UNC45A: variants seen among roughly 807,000 people sequenced by gnomAD.
The protein encoded by UNC45A is unc-45 myosin chaperone A.
Under a neutral mutation model 103.2 loss-of-function variants are expected in UNC45A, and 78 were observed. The observed-to-expected ratio is 0.76, with a 90% CI of 0.63 to 0.91. The LOEUF (loss-of-function observed/expected upper bound fraction) is 0.91, where lower values mean the gene tolerates loss of function less well. Ranked by LOEUF, UNC45A falls within the 40% of genes least tolerant of loss-of-function variation. The pLI is 0.00. For missense variants in UNC45A, 1,193 were observed against 1,224.8 expected, an observed-to-expected ratio of 0.97 and a Z score of 0.39; for synonymous variants, 495 against 504.6, an observed-to-expected ratio of 0.98 and a Z score of 0.25.
At position 90,946,930 on chromosome 15, in the gene UNC45A, T is replaced by TGGGGGGGGGCGGGGGGGCGG; in HGVS notation, c.1500+20_1500+21insGGGGGCGGGGGGGCGGGGGG. ...GGCGCTAGTGGTGAGACGGTGGGCC[T>TGGGGGGGGGCGGGGGGGCGG]GGGGTGGGTGGGCAGGCAGCCAGGC... is the stretch of plus-strand genomic sequence containing the variant. On this transcript the variant is annotated intron_variant, in intron 10 of 19. Coordinates refer to ENST00000418476, the MANE Select transcript of UNC45A (RefSeq NM_018671.5). 1.3e-6 allele frequency: 1 copy of TGGGGGGGGGCGGGGGGGCGG among 785,004 alleles called. No homozygotes were observed. Among genetic ancestry groups the TGGGGGGGGGCGGGGGGGCGG allele is most frequent in the Non-Finnish European group, 2.1e-6 (1 of 484,398 alleles). 48.6% of individuals were successfully genotyped at this position (785,004 alleles called of 1,614,324 possible).
At chr15:90,937,464 G>A (rs1446632296) in intron 4 of UNC45A, among the ~76,000 whole-genome samples, 1 of 151,976 alleles carries the variant, frequency 6.6e-6, no homozygotes, top group African/African-American at 2.4e-5. Flanking sequence ...GTACACTTGG[G>A]TATGTAAATA....
chr15:90,939,357 C>T (rs1270808563), intron 4 of UNC45A, among the ~76,000 whole-genome samples: 1 of 152,220 alleles, frequency 6.6e-6, no homozygotes, highest in Non-Finnish European at 1.5e-5. Context: ...GATCTGCCAG[C>T]TCCCTGGCAG....
chr15:90,948,969 C>T (rs528458157), intron 13 of UNC45A, among the ~76,000 whole-genome samples, 175 bp downstream of exon 13: 77 of 151,374 alleles, frequency 5.1e-4, no homozygotes, highest in Non-Finnish European at 9.4e-4. Context: ...CTCCGCCTCC[C>T]GGGTTCATGC....
At chr15:90,935,105 C>G, upstream of UNC45A, 1 of 598,322 alleles carries the variant, frequency 1.7e-6, no homozygotes, top group African/African-American at 1.9e-5. Context: ...CTGCAGGTCT[C>G]TGCGGGGACA....
rs2037077186 is a variant in UNC45A, at chr15:90,953,919, C to T, written c.*203C>T. ...CTGCTTGGCCAGCACTGCCTGCAGC[C>T]TCACTCAGAGGGGCCCTTTTTCTGT... On this transcript the variant is annotated 3_prime_UTR_variant, in exon 20 of 20. Transcript: ENST00000418476. The T allele has an allele frequency of 4.2e-6, 3 of 715,608 alleles. No individual in the cohort carries two copies. The highest frequency in any genetic ancestry group is 6.8e-6 in the Non-Finnish European group (3 of 442,972). The allele number at this position is 715,608 out of a possible 1,614,324, so 44.3% of individuals were successfully genotyped here. A position where few individuals can be genotyped will look rare whatever the true frequency, so the allele number is the denominator to read the frequency against.
intron 15 of UNC45A, 22 bp from the exon 16 acceptor site, chr15:90,950,132 A>G (rs1473990330): frequency 6.5e-7 from 1 of 1,549,632 alleles, no homozygotes; most frequent in Non-Finnish European, 8.7e-7. Flanking sequence ...TGTCCTGAGC[A>G]GTGACGGGCT....
Position 90,946,746 on chromosome 15 carries a change from T to A in UNC45A, c.1332T>A (p.Ala444=). ...GCGGTGTCATGGAGAGTGTGATTGC[T>A]CTGTGTGCCTCTGAGCAGGAGGAGG... ...ELSGVMESVI[A]LCASEQEEEQ... is the part of the protein sequence containing the mutation. The change falls in exon 10 of 20, where the codon GCT becomes GCA. Residue 444 remains alanine, a synonymous_variant. Coordinates refer to ENST00000418476, the MANE Select transcript of UNC45A (RefSeq NM_018671.5). 1 of 1,613,964 alleles carries A rather than the reference T, an allele frequency of 6.2e-7. No individual in the cohort carries two copies. The highest frequency in any genetic ancestry group is 8.5e-7 in the Non-Finnish European group (1 of 1,180,024).
chr15:90,953,261 C>T lies in UNC45A; in HGVS notation c.2528C>T (p.Ala843Val), dbSNP rs372678199. ...CAGCGGGCAGCTGCCGGGGGCTTGG[C>T]CATGCTTACCTCCATGCGGCCCACG... ...LLQRAAAGGL[A>V]MLTSMRPTLC... The change falls in exon 19 of 20, where the codon GCC becomes GTC. Residue 843 changes from alanine (A) to valine (V), a missense_variant. By Grantham distance (64) the Ala-to-Val change is moderately conservative. Transcript: ENST00000418476. The T allele has an allele frequency of 7.4e-6, 12 of 1,613,336 alleles. No individual in the cohort carries two copies. The African/African-American group carries it at 1.3e-4, about 18-fold the overall frequency.
At chr15:90,949,577 T>C in intron 14 of UNC45A, 77 bp from the exon 15 acceptor site, 1 of 1,603,920 alleles carries the variant, frequency 6.2e-7, no homozygotes, top group Non-Finnish European at 8.5e-7. Flanking sequence ...GGCTGCCGTC[T>C]TTGCTGAGCC....
chr15:90,951,630 G>C (rs149149715), intron 17 of UNC45A, among the ~76,000 whole-genome samples: 2 of 152,268 alleles, frequency 1.3e-5, no homozygotes, highest in East Asian at 1.9e-4. Flanking sequence ...ATATCAGGAA[G>C]AATAGCTAAT....
chr15:90,931,189 T>C (rs1213276348), upstream of UNC45A: 1 of 1,477,788 alleles, frequency 6.8e-7, no homozygotes, highest in Non-Finnish European at 9.2e-7. Flanking sequence ...TGGAGGGAGC[T>C]CAGGAGACAC....
rs551769126 is a variant in UNC45A, at chr15:90,937,493, T to G, written c.426+1033T>G. On this transcript the variant is annotated intron_variant, in intron 4 of 19. Transcript: ENST00000418476. ...GTAAATACAAAGGAAAATAATTGTT[T>G]TTTTTTTTTTTGAGACGGAGTCTTG... Among the ~76,000 whole-genome samples the G allele has an allele frequency of 1.3e-4, 20 of 151,870 alleles. No individual in the cohort carries two copies. In the South Asian group the frequency reaches 2.1e-3, roughly 16 times the overall value.
intron 4 of UNC45A, among the ~76,000 whole-genome samples, chr15:90,937,830 A>G (rs1379918562): frequency 6.6e-6 from 1 of 151,910 alleles, no homozygotes; most frequent in Non-Finnish European, 1.5e-5. Context: ...TTATTTATTT[A>G]TGTATTTTGA....
chr15:90,949,749 T>A, intron 15 of UNC45A, 29 bp downstream of exon 15: 1 of 1,611,564 alleles, frequency 6.2e-7, no homozygotes, highest in Non-Finnish European at 8.5e-7. Flanking sequence ...CCCTTCCTGA[T>A]GGCTGAGCCA....
At chr15:90,943,600 A>G (rs1243747601) in intron 8 of UNC45A, among the ~76,000 whole-genome samples, 2 of 152,164 alleles carry the variant, frequency 1.3e-5, no homozygotes, top group Non-Finnish European at 2.9e-5. Flanking sequence ...AGGGGGCTCA[A>G]AGTTAGACTC....
At chr15:90,947,672 T>G in intron 10 of UNC45A, 124 bp from the exon 11 acceptor site, 5 of 667,862 alleles carry the variant, frequency 7.5e-6, no homozygotes, top group Non-Finnish European at 1.1e-5. Context: ...AGGGTGCTGA[T>G]TTGTCTGTGT....
chr15:90,953,006 C>T lies in UNC45A; in HGVS notation c.2381C>T (p.Ala794Val). 6.2e-7 allele frequency: 1 copy of T among 1,613,576 alleles called. No individual in the cohort carries two copies. The change falls in exon 18 of 20, where the codon GCA (alanine) becomes GTA (valine). Residue 794 changes from alanine (A) to valine (V), a missense_variant. Ala to Val is a moderately conservative substitution (Grantham distance 64). Coordinates refer to ENST00000418476, the MANE Select transcript of UNC45A (RefSeq NM_018671.5). Reference sequence around the variant, plus strand: ...GAGGAGCATGAGATGATCCGCCGGGCAGCCACGGAGTGCATGTGTAACTTG... The same window carrying T: ...GAGGAGCATGAGATGATCCGCCGGGTAGCCACGGAGTGCATGTGTAACTTG... ...MFEEHEMIRR[A>V]ATECMCNLAM...
intron 10 of UNC45A, chr15:90,947,124 G>A: frequency 3.4e-6 from 2 of 596,230 alleles, no homozygotes; most frequent in Admixed American, 3.0e-5. Context: ...AGGAGGTTGA[G>A]GCTGTGGTGA....
chr15:90,932,493 A>T, upstream of UNC45A: 1 of 1,310,256 alleles, frequency 7.6e-7, no homozygotes, highest in Non-Finnish European at 9.7e-7. Flanking sequence ...GGTGCTTGCG[A>T]GCCGCGAAGT....
Sources: gnomAD v4.1 joint callset for allele counts (sites outside exome capture counted in the v4.1 genomes callset) on GRCh38, gnomAD v4.1.1 for gene constraint, MANE v1.5 for transcripts, NCBI Gene and HGNC (gene_info 2026-07-23, HGNC 2026-07-21) for gene names.